Variants in ZSWIM9 observed in about 807,000 individuals in gnomAD.
The protein encoded by ZSWIM9 is uncharacterized protein ZSWIM9.
A neutral mutation model predicts 25.0 loss-of-function variants in ZSWIM9; 11 were observed. That is an observed-to-expected ratio of 0.44 (90% CI 0.28 to 0.73). ZSWIM9 has a LOEUF of 0.73. Ranked by LOEUF, ZSWIM9 falls within the 30% of genes least tolerant of loss-of-function variation. ZSWIM9 has a pLI of 0.16. For missense variants in ZSWIM9, 1,070 were observed against 1,296.5 expected (o/e 0.83, Z 2.68); for synonymous variants, 562 against 582.1 (o/e 0.97, Z 0.50).
chr19:48,171,848 G>A lies in ZSWIM9; in HGVS notation c.46G>A (p.Glu16Lys). The A allele has an allele frequency of 6.5e-7, 1 of 1,534,856 alleles. No individual in the cohort carries two copies. Among genetic ancestry groups the A allele is most frequent in the Non-Finnish European group, 8.7e-7 (1 of 1,146,466 alleles). Residue 16 changes from glutamate to lysine, a missense_variant, in exon 2 of 4, where the codon GAG (glutamate) becomes AAG (lysine). This residue lies in a region of ZSWIM9 where 265 missense variants were observed against 339.0 expected (regional missense o/e 0.78). Coordinates refer to ENST00000614654, the MANE Select transcript of ZSWIM9 (RefSeq NM_199341.4). ...PPPGTAAGQE[E>K]QELRERAFFS... ...ACCCGGCACGGCTGCGGGGCAGGAG[G>A]AGCAGGAGCTGCGGGAGCGGGCCTT...
chr19:48,185,599 C>G (rs1424814872), intron 3 of ZSWIM9, among the ~76,000 whole-genome samples: 1 of 152,230 alleles, frequency 6.6e-6, no homozygotes, highest in Non-Finnish European at 1.5e-5. Flanking sequence ...CAGGTCCCCT[C>G]CCCTGCAGAG....
chr19:48,186,597 G>A (rs1057491735), intron 3 of ZSWIM9: 6 of 154,894 alleles, frequency 3.9e-5, no homozygotes, highest in South Asian at 2.0e-4. Flanking sequence ...CACCACACCC[G>A]GCCTGTACAT....
intron 3 of ZSWIM9, among the ~76,000 whole-genome samples, chr19:48,189,840 G>A (rs1327072094): frequency 2.0e-5 from 3 of 152,056 alleles, no homozygotes; most frequent in Non-Finnish European, 4.4e-5. Context: ...TTTATGTATC[G>A]CTTTACATTA....
Position 48,197,326 on chromosome 19 carries a change from G to A in ZSWIM9, c.*499G>A. The stretch of plus-strand genomic sequence containing the variant: ...AAATGGAGGAGAGAGGACAAGCAAA[G>A]AGACAGAAATGAAGACATGAGGAAA... On this transcript the variant is annotated 3_prime_UTR_variant, in exon 4 of 4. Coordinates refer to ENST00000614654, the MANE Select transcript of ZSWIM9 (RefSeq NM_199341.4). 1 of 701,744 alleles carries A rather than the reference G, an allele frequency of 1.4e-6. No individual in the cohort carries two copies. Among genetic ancestry groups the A allele is most frequent in the African/African-American group, 1.7e-5 (1 of 57,210 alleles). The allele number at this position is 701,744 out of a possible 1,614,324, so 43.5% of individuals were successfully genotyped here.
In ZSWIM9 at chr19:48,195,591, G is replaced by T. The variant is rs757402261; in HGVS notation, c.1527G>T (p.Gln509His). The stretch of plus-strand genomic sequence containing the variant: ...AAACCAGAGACTGGGGCGGGGCTCA[G>T]TTCGAAGGTGAGAAGGGGAGGGCAC... ...ALETRDWGGA[Q>H]FEGEKGRALQ... Residue 509 changes from glutamine to histidine, a missense_variant, in exon 4 of 4, where the codon CAG becomes CAT. By Grantham distance (24) the Gln-to-His change is conservative. Around this residue, in one of 4 missense-constraint regions of ZSWIM9, gnomAD observed 583 missense variants for 624.7 expected, o/e 0.93. Transcript: ENST00000614654. The surrounding 1 kb of genome is among the most constrained non-coding windows in gnomAD (Gnocchi z 5.8). The T allele has an allele frequency of 4.9e-5, 69 of 1,420,256 alleles. No individual in the cohort carries two copies. Among genetic ancestry groups the T allele is most frequent in the Non-Finnish European group, 5.8e-5 (63 of 1,092,814 alleles). 88.0% of individuals were successfully genotyped at this position (1,420,256 alleles called of 1,614,324 possible). A position where few individuals can be genotyped will look rare whatever the true frequency, so the allele number is the denominator to read the frequency against.
rs1309192057 is a variant in ZSWIM9 at position 48,194,859 on chromosome 19, G to A, written c.795G>A (p.Pro265=). Residue 265 remains proline (P), a synonymous_variant, in exon 4 of 4, where the codon CCG becomes CCA. Transcript: ENST00000614654. This position sits in a 1 kb window ranked among gnomAD's most constrained non-coding sequence, Gnocchi z 6.0. Reference sequence around the variant, plus strand: ...AGGCTGCCTGCTGCGTGGCGCGCCCGGGCACACCGAGCCTGCTGCGCTTCG... The same window carrying A: ...AGGCTGCCTGCTGCGTGGCGCGCCCAGGCACACCGAGCCTGCTGCGCTTCG... The part of the protein sequence containing the change: ...ARQAACCVAR[P]GTPSLLRFAL... 17 of 1,361,080 alleles carry A rather than the reference G, an allele frequency of 1.2e-5. No homozygotes were observed. Among genetic ancestry groups the A allele is most frequent in the Admixed American group, 7.9e-5 (2 of 25,218 alleles). The allele number at this position is 1,361,080 out of a possible 1,614,324, so 84.3% of individuals were successfully genotyped here.
intron 3 of ZSWIM9, chr19:48,190,735 G>C (rs1232674114): frequency 2.0e-5 from 3 of 152,482 alleles, no homozygotes; most frequent in Non-Finnish European, 4.4e-5. Context: ...CTGAATATGG[G>C]GCTCGTGTTT....
At chr19:48,180,003 C>T (rs2036931309) in intron 2 of ZSWIM9, among the ~76,000 whole-genome samples, 1 of 152,086 alleles carries the variant, frequency 6.6e-6, no homozygotes, top group Non-Finnish European at 1.5e-5. Flanking sequence ...GGCTTGGAGC[C>T]TCTTCCTCCA....
intron 2 of ZSWIM9, 45 bp downstream of exon 2, chr19:48,172,122 C>T (rs1293197125): frequency 1.0e-6 from 1 of 956,626 alleles, no homozygotes; most frequent in Non-Finnish European, 1.5e-6. Flanking sequence ...AAGGGGAGCA[C>T]CGGGGGTGGG....
At chr19:48,178,141 GC>G (rs1197043375) in intron 2 of ZSWIM9, among the ~76,000 whole-genome samples, 3 of 152,266 alleles carry the variant, frequency 2.0e-5, no homozygotes, top group South Asian at 4.2e-4. Context: ...CAAGTGATCC[GC>G]CCGCCTTGGC....
chr19:48,197,284 A>G lies in ZSWIM9; in HGVS notation c.*457A>G, dbSNP rs1374137347. 2.8e-6 allele frequency: 2 copies of G among 702,594 alleles called. No individual in the cohort carries two copies. The highest frequency in any genetic ancestry group is 2.7e-5 in the East Asian group (1 of 37,262). 43.5% of individuals were successfully genotyped at this position (702,594 alleles called of 1,614,324 possible). A position where few individuals can be genotyped will look rare whatever the true frequency, so the allele number is the denominator to read the frequency against. ...AAGGAGAGGAGGTAAGCGAGAAAAAATGGAAAGGGGAGCCGGAAATGGAGG... is the reference window on the plus strand; with the variant it reads ...AAGGAGAGGAGGTAAGCGAGAAAAAGTGGAAAGGGGAGCCGGAAATGGAGG... On this transcript the variant is annotated 3_prime_UTR_variant, in exon 4 of 4. Transcript: ENST00000614654.
intron 3 of ZSWIM9, among the ~76,000 whole-genome samples, chr19:48,188,427 T>C (rs2037056216): frequency 6.6e-6 from 1 of 151,848 alleles, no homozygotes; most frequent in South Asian, 2.1e-4. Context: ...TGGGGTTTCA[T>C]CATGTTGGCC....
Position 48,194,193 on chromosome 19 carries a change from C to G in ZSWIM9, c.589-460C>G, listed in dbSNP as rs543162120. Among the ~76,000 whole-genome samples the G allele has an allele frequency of 6.6e-6, 1 of 152,306 alleles. No homozygotes were observed. Among genetic ancestry groups the G allele is most frequent in the South Asian group, 2.1e-4 (1 of 4,828 alleles). On this transcript the variant is annotated intron_variant, in intron 3 of 3. Coordinates refer to ENST00000614654, the MANE Select transcript of ZSWIM9 (RefSeq NM_199341.4). This position sits in a 1 kb window ranked among gnomAD's most constrained non-coding sequence, Gnocchi z 6.0. Reference sequence around the variant, plus strand: ...CTGGAGGGCTTGTCAAACTAGATTGCTGGGGCCCGCCCCCAGAGTTTCAGA... The same window carrying G: ...CTGGAGGGCTTGTCAAACTAGATTGGTGGGGCCCGCCCCCAGAGTTTCAGA...
intron 3 of ZSWIM9, chr19:48,189,501 T>TAG (rs2037069214): frequency 6.6e-6 from 1 of 152,330 alleles, no homozygotes; most frequent in Admixed American, 6.6e-5. Context: ...TCAGGAGGCG[T>TAG]AGCTTGCAGC....
At chr19:48,180,052 T>C (rs1313679925) in intron 2 of ZSWIM9, among the ~76,000 whole-genome samples, 1 of 152,184 alleles carries the variant, frequency 6.6e-6, no homozygotes, top group African/African-American at 2.4e-5. Context: ...GTTTTGCTCC[T>C]GTTGCCCAGG....
chr19:48,195,448 G>A lies in ZSWIM9; in HGVS notation c.1384G>A (p.Ala462Thr), dbSNP rs1440371227. 3 of 1,432,542 alleles carry A rather than the reference G, an allele frequency of 2.1e-6. No homozygotes were observed. The highest frequency in any genetic ancestry group is 2.7e-6 in the Non-Finnish European group (3 of 1,101,346). The allele number at this position is 1,432,542 out of a possible 1,614,324, so 88.7% of individuals were successfully genotyped here. ...PWLEDEPGRG[A>T]QGENERVRGL... ...GCTGGAGGATGAGCCAGGGAGGGGA[G>A]CCCAGGGGGAGAACGAGAGGGTGAG... Residue 462 changes from alanine (A) to threonine (T), a missense_variant, in exon 4 of 4, where the codon GCC becomes ACC. Physicochemically the swap from Ala to Thr is moderately conservative, Grantham distance 58. This residue lies in a region of ZSWIM9 where 583 missense variants were observed against 624.7 expected (regional missense o/e 0.93). Transcript: ENST00000614654. The surrounding 1 kb of genome is among the most constrained non-coding windows in gnomAD (Gnocchi z 5.8).
At chr19:48,191,794 T>A (rs1389147132) in intron 3 of ZSWIM9, 1 of 152,818 alleles carries the variant, frequency 6.5e-6, no homozygotes, top group Non-Finnish European at 1.5e-5. Context: ...CAAAATGCAC[T>A]GCTGTCCACT....
intron 3 of ZSWIM9, among the ~76,000 whole-genome samples, chr19:48,190,895 T>C (rs540260128): frequency 2.6e-5 from 4 of 152,178 alleles, no homozygotes; most frequent in Non-Finnish European, 5.9e-5. Context: ...GGTGACTTGA[T>C]TTTATTTATG....
chr19:48,182,619 C>T lies in ZSWIM9; in HGVS notation c.440C>T (p.Pro147Leu), dbSNP rs776415436. 1.4e-5 allele frequency: 22 copies of T among 1,535,730 alleles called. No homozygotes were observed. The highest frequency in any genetic ancestry group is 2.4e-5 in the East Asian group (1 of 40,912). The stretch of plus-strand genomic sequence containing the variant: ...CACCTGCTGGCCAACGCCTGCCTGC[C>T]GGTGCGCACCACCAACAAGATCTCC... Reference protein sequence around the residue: ...PGHLLANACLPVRTTNKISKQ... With the variant: ...PGHLLANACLLVRTTNKISKQ... The change falls in exon 3 of 4, where the codon CCG becomes CTG. Residue 147 changes from proline (P) to leucine (L), a missense_variant. This residue lies in a region of ZSWIM9 where 265 missense variants were observed against 339.0 expected (regional missense o/e 0.78). Transcript: ENST00000614654. This position sits in a 1 kb window ranked among gnomAD's most constrained non-coding sequence, Gnocchi z 4.6.
Sources: allele counts gnomAD v4.1 joint callset (sites outside exome capture counted in the v4.1 genomes callset), GRCh38; gene constraint gnomAD v4.1.1; regional missense constraint gnomAD v4.1.1; non-coding constraint Gnocchi (gnomAD v3.1); transcripts MANE v1.5; gene names NCBI Gene and HGNC (gene_info 2026-07-23, HGNC 2026-07-21).